The following DIP2A variants were observed in gnomAD, a reference collection of about 807,000 sequenced individuals.
DIP2A encodes the protein disco-interacting protein 2 homolog A.
Under a neutral mutation model 177.4 loss-of-function variants are expected in DIP2A, and 85 were observed. The observed-to-expected ratio is 0.48, with a 90% CI of 0.40 to 0.57. The LOEUF (loss-of-function observed/expected upper bound fraction) is 0.57, where lower values mean the gene tolerates loss of function less well. Among genes scored for constraint, DIP2A ranks in the 20% least tolerant of loss-of-function variants. The pLI is 0.00. For synonymous variants in DIP2A, 886 were observed against 881.8 expected (o/e 1.00, Z -0.08); for missense variants, 1,791 against 2,100.2 (o/e 0.85, Z 2.88).
chr21:46,565,507 C>T (rs2060808943), intron 35 of DIP2A, among the ~76,000 whole-genome samples: 1 of 152,240 alleles, frequency 6.6e-6, no homozygotes, highest in African/African-American at 2.4e-5. Flanking sequence ...AAGGAAGAAA[C>T]ACAGTATTTA....
chr21:46,522,567 A>T lies in DIP2A; in HGVS notation c.1103-6525A>T, dbSNP rs113889984. Reference sequence around the variant, plus strand: ...CTTGGGGGACATTTCCATACCTTCTAGGTGGCCAAGAGCATGCTTCTCTGA... The same window carrying T: ...CTTGGGGGACATTTCCATACCTTCTTGGTGGCCAAGAGCATGCTTCTCTGA... On this transcript the variant is annotated intron_variant, in intron 8 of 37. Coordinates refer to ENST00000417564, the MANE Select transcript of DIP2A (RefSeq NM_015151.4). Among the ~76,000 whole-genome samples the T allele has an allele frequency of 1.7e-3, 261 of 152,346 alleles. 3 individuals are homozygous for T. Among genetic ancestry groups the T allele is most frequent in the African/African-American group, 5.9e-3 (245 of 41,582 alleles).
chr21:46,510,017 CA>C (rs1346049688), intron 7 of DIP2A, among the ~76,000 whole-genome samples: 1 of 152,124 alleles, frequency 6.6e-6, no homozygotes, highest in African/African-American at 2.4e-5. Context: ...GTGTATTAGT[CA>C]GGGTTCTCTA....
Position 46,539,972 on chromosome 21 carries a change from C to T in DIP2A, c.2017C>T (p.Leu673=). 1 of 1,614,030 alleles carries T rather than the reference C, an allele frequency of 6.2e-7. No homozygotes were observed. Among genetic ancestry groups the T allele is most frequent in the Non-Finnish European group, 8.5e-7 (1 of 1,179,864 alleles). Residue 673 remains leucine (L), a synonymous_variant, in exon 17 of 38, where the codon CTG becomes TTG. Coordinates refer to ENST00000417564, the MANE Select transcript of DIP2A (RefSeq NM_015151.4). ...ICPCASSPEA[L]TVAIRRPPDL... ...TCCTTGTGCAAGTTCTCCTGAGGCGCTGACTGTCGCCATCCGCAGGTAACC... is the reference window on the plus strand; with the variant it reads ...TCCTTGTGCAAGTTCTCCTGAGGCGTTGACTGTCGCCATCCGCAGGTAACC...
At chr21:46,528,277 G>T (rs2059191046) in intron 8 of DIP2A, among the ~76,000 whole-genome samples, 2 of 152,000 alleles carry the variant, frequency 1.3e-5, no homozygotes. Flanking sequence ...ACAAAGATAT[G>T]ACCCATTTCA....
Position 46,511,519 on chromosome 21 carries a change from T to C in DIP2A, c.1007T>C (p.Leu336Ser). The C allele has an allele frequency of 7.4e-6, 12 of 1,612,692 alleles. No individual in the cohort carries two copies. Among genetic ancestry groups the C allele is most frequent in the Non-Finnish European group, 5.1e-6 (6 of 1,179,414 alleles). ...GGTGTCCCCCGACCGCCGTCGCTGT[T>C]GGCCACCTTGCAGCGCTGGGGCACA... ...TAGVPRPPSL[L>S]ATLQRWGTTQ... The change falls in exon 8 of 38, where the codon TTG becomes TCG. Residue 336 changes from leucine to serine, a missense_variant. Transcript: ENST00000417564.
chr21:46,492,555 A>G (rs1011028634), intron 3 of DIP2A, among the ~76,000 whole-genome samples: 6 of 152,020 alleles, frequency 3.9e-5, no homozygotes, highest in African/African-American at 1.2e-4. Context: ...AAATTCCTAT[A>G]TTGAAGCCCT....
chr21:46,527,334 T>TTTG (rs1192099664), intron 8 of DIP2A, among the ~76,000 whole-genome samples: 56 of 146,048 alleles, frequency 3.8e-4, no homozygotes, highest in African/African-American at 1.4e-3. Flanking sequence ...GGTTTTTTTT[T>TTTG]TTTTTTTTTT....
At chr21:46,546,776 T>C (rs537310616) in intron 20 of DIP2A, 139 bp from the exon 21 acceptor site, 26 of 899,842 alleles carry the variant, frequency 2.9e-5, no homozygotes, top group Non-Finnish European at 4.0e-5. Flanking sequence ...GCAGATTGGG[T>C]CTGTGGGGCA....
At chr21:46,555,783 C>T (rs921091632) in intron 28 of DIP2A, 199 bp from the exon 29 acceptor site, 31 of 584,318 alleles carry the variant, frequency 5.3e-5, no homozygotes, top group Admixed American at 3.8e-4. Flanking sequence ...TTGGTGGGAC[C>T]GGGTAGCGTT....
At chr21:46,459,273 C>A in intron 1 of DIP2A, 51 bp downstream of exon 1, 1 of 1,438,532 alleles carries the variant, frequency 7.0e-7, no homozygotes, top group South Asian at 1.3e-5. Flanking sequence ...AGCCCGGTCC[C>A]CCGCGCAGCC....
Position 46,558,623 on chromosome 21 carries a change from C to T in DIP2A, c.3969+230C>T, listed in dbSNP as rs768119048. 43 of 571,422 alleles carry T rather than the reference C, an allele frequency of 7.5e-5. 1 individual carries two copies. Among genetic ancestry groups the T allele is most frequent in the South Asian group, 2.0e-4 (10 of 49,046 alleles). 35.4% of individuals were successfully genotyped at this position (571,422 alleles called of 1,614,324 possible). ...GGAAAAAAAACACATTGTTTTTGAA[C>T]AGTGACTAATAACTGTAAGACTCTC... On this transcript the variant is annotated intron_variant, in intron 32 of 37. Coordinates refer to ENST00000417564, the MANE Select transcript of DIP2A (RefSeq NM_015151.4).
At chr21:46,550,219 A>G in intron 22 of DIP2A, 1 of 703,746 alleles carries the variant, frequency 1.4e-6, no homozygotes, top group South Asian at 2.2e-5. Context: ...TATCTCAAAG[A>G]AAAAACTTTC....
chr21:46,565,794 G>A lies in DIP2A; in HGVS notation c.4246G>A (p.Ala1416Thr). 3 of 1,613,982 alleles carry A rather than the reference G, an allele frequency of 1.9e-6. No homozygotes were observed. Among genetic ancestry groups the A allele is most frequent in the Non-Finnish European group, 2.5e-6 (3 of 1,179,890 alleles). The change falls in exon 36 of 38, where the codon GCC becomes ACC. Residue 1416 changes from alanine (A) to threonine (T), a missense_variant. Ala to Thr is a moderately conservative substitution (Grantham distance 58). Transcript: ENST00000417564. ...GGCGCTTCATGCCGACCACTTCAGT[G>A]CCCGGCTGAGTTTTGGAGACACACA... ...EEALHADHFSARLSFGDTQTI... is the reference protein window; with the variant it reads ...EEALHADHFSTRLSFGDTQTI...
At position 46,498,975 on chromosome 21, in the gene DIP2A, G is replaced by T; in HGVS notation, c.655+142G>T. The stretch of plus-strand genomic sequence containing the variant: ...GCCTGAGTGCTCTCCAAGTGACTGA[G>T]GTCACACAACCCAGATAACCCATAC... On this transcript the variant is annotated intron_variant, in intron 5 of 37. Coordinates refer to ENST00000417564, the MANE Select transcript of DIP2A (RefSeq NM_015151.4). This position sits in a 1 kb window ranked among gnomAD's most constrained non-coding sequence, Gnocchi z 4.3. 1 of 1,146,198 alleles carries T rather than the reference G, an allele frequency of 8.7e-7. No individual in the cohort carries two copies. The highest frequency in any genetic ancestry group is 1.2e-6 in the Non-Finnish European group (1 of 840,146). The allele number at this position is 1,146,198 out of a possible 1,614,324, so 71.0% of individuals were successfully genotyped here. A position where few individuals can be genotyped will look rare whatever the true frequency, so the allele number is the denominator to read the frequency against.
At chr21:46,523,542 G>T (rs1275581436) in intron 8 of DIP2A, among the ~76,000 whole-genome samples, 1 of 151,866 alleles carries the variant, frequency 6.6e-6, no homozygotes, top group African/African-American at 2.4e-5. Flanking sequence ...ACTGCACCTG[G>T]CCCATAGTGC....
the DIP2A span, among the ~76,000 whole-genome samples, chr21:46,575,426 A>G: frequency 3.9e-5 from 6 of 152,172 alleles, no homozygotes; most frequent in Non-Finnish European, 8.8e-5. Flanking sequence ...AAGCTCTTAG[A>G]GCAATTAGGC....
intron 19 of DIP2A, 139 bp from the exon 20 acceptor site, chr21:46,545,742 C>T: frequency 1.0e-6 from 1 of 967,444 alleles, no homozygotes; most frequent in East Asian, 2.4e-5. Context: ...AGAAACTGGG[C>T]CTATGCAGGG....
intron 22 of DIP2A, 132 bp downstream of exon 22, chr21:46,550,017 C>A: frequency 6.7e-7 from 1 of 1,502,012 alleles, no homozygotes; most frequent in Non-Finnish European, 8.8e-7. Context: ...CTGTATTTTT[C>A]ATTGCAAATT....
chr21:46,515,689 A>G (rs906153972), intron 8 of DIP2A, among the ~76,000 whole-genome samples: 9 of 151,968 alleles, frequency 5.9e-5, no homozygotes, highest in African/African-American at 2.2e-4. Context: ...GGCACACACC[A>G]TCATGCTTGG....
Sources: allele counts gnomAD v4.1 joint callset (sites outside exome capture counted in the v4.1 genomes callset), GRCh38; gene constraint gnomAD v4.1.1; non-coding constraint Gnocchi (gnomAD v3.1); transcripts MANE v1.5; gene names NCBI Gene and HGNC (gene_info 2026-07-23, HGNC 2026-07-21).